The following XKR9 variants were observed in gnomAD, a reference collection of about 807,000 sequenced individuals.
XKR9 encodes the protein XK related 9.
XKR9 carries 32 observed loss-of-function variants against 32.0 expected under a neutral mutation model. The ratio of observed to expected loss-of-function variants is 1.00; its 90% CI spans 0.76 to 1.34. The LOEUF (loss-of-function observed/expected upper bound fraction) is 1.34, where lower values mean the gene tolerates loss of function less well. XKR9 is among the 40% of genes most tolerant of loss of function. The probability of loss-of-function intolerance (pLI) is 0.00; values close to 1 mark genes in which losing one functional copy is unlikely to be tolerated. For synonymous variants in XKR9, 168 were observed against 143.4 expected, an observed-to-expected ratio of 1.17 and a Z score of -1.22; for missense variants, 546 against 429.7, an observed-to-expected ratio of 1.27 and a Z score of -2.39.
At chr8:70,847,744 A>G in the XKR9 span, among the ~76,000 whole-genome samples, 1 of 152,070 alleles carries the variant, frequency 6.6e-6, no homozygotes, top group Non-Finnish European at 1.5e-5. Context: ...ATTCCTGTAT[A>G]CATTCAACCT....
At chr8:71,034,387 C>T in the XKR9 span, among the ~76,000 whole-genome samples, 102 of 152,256 alleles carry the variant, frequency 6.7e-4, no homozygotes, top group African/African-American at 2.0e-3. Flanking sequence ...AATTTCCTGA[C>T]GCCTCCCCAG....
the XKR9 span, among the ~76,000 whole-genome samples, chr8:70,904,084 A>G: frequency 6.6e-6 from 1 of 152,182 alleles, no homozygotes; most frequent in East Asian, 1.9e-4. Flanking sequence ...GCTGAGAAGA[A>G]TGTATACTCT....
At chr8:70,723,147 C>T (rs1806339503) in intron 4 of XKR9, among the ~76,000 whole-genome samples, 1 of 152,066 alleles carries the variant, frequency 6.6e-6, no homozygotes, top group South Asian at 2.1e-4. Flanking sequence ...TCAGCTCCAT[C>T]AGTTCATTTA....
At chr8:70,727,242 A>G (rs954341945) in intron 4 of XKR9, among the ~76,000 whole-genome samples, 9 of 152,238 alleles carry the variant, frequency 5.9e-5, no homozygotes, top group Admixed American at 2.6e-4. Context: ...AATTTGATAA[A>G]AATCAAAACA....
the XKR9 span, among the ~76,000 whole-genome samples, chr8:71,006,957 T>C: frequency 6.6e-6 from 1 of 152,162 alleles, no homozygotes; most frequent in Non-Finnish European, 1.5e-5. Flanking sequence ...TCCTAAAACT[T>C]GGTTGTAGAG....
intron 3 of XKR9, among the ~76,000 whole-genome samples, chr8:70,683,200 A>G (rs1172345006): frequency 6.6e-6 from 1 of 152,220 alleles, no homozygotes; most frequent in East Asian, 1.9e-4. Flanking sequence ...TATAGTGTGT[A>G]ACGTGCGGTC....
chr8:70,877,930 A>G, the XKR9 span, among the ~76,000 whole-genome samples: 1 of 152,346 alleles, frequency 6.6e-6, no homozygotes, highest in South Asian at 2.1e-4. Flanking sequence ...GTTACTCACA[A>G]AGGGAAGCCC....
At chr8:70,713,033 T>C (rs1017699206) in intron 4 of XKR9, among the ~76,000 whole-genome samples, 111 of 152,278 alleles carry the variant, frequency 7.3e-4, no homozygotes, top group African/African-American at 2.5e-3. Flanking sequence ...ACAAGTATCC[T>C]ATTATGTTTA....
the XKR9 span, among the ~76,000 whole-genome samples, chr8:71,003,063 T>A: frequency 3.9e-5 from 6 of 152,238 alleles, no homozygotes; most frequent in Admixed American, 3.9e-4. Flanking sequence ...AATGAGTACA[T>A]CACACTGAAC....
chr8:70,785,840 A>G (rs1020647544), intron 2 of XKR9, among the ~76,000 whole-genome samples: 1 of 149,638 alleles, frequency 6.7e-6, no homozygotes, highest in Non-Finnish European at 1.5e-5. Flanking sequence ...ATCTATATTT[A>G]TATATTTTCT....
the XKR9 span, among the ~76,000 whole-genome samples, chr8:70,995,170 G>A: frequency 1.6e-3 from 244 of 152,234 alleles, no homozygotes; most frequent in African/African-American, 4.3e-3. Flanking sequence ...ATGAAGAAAC[G>A]ATAAGTGGCT....
the XKR9 span, among the ~76,000 whole-genome samples, chr8:70,954,518 GGT>G: frequency 6.6e-6 from 1 of 152,108 alleles, no homozygotes; most frequent in African/African-American, 2.4e-5. Context: ...CACAGAATTT[GGT>G]ATCCTCCTTT....
chr8:70,698,078 C>A (rs1172718800), intron 3 of XKR9, among the ~76,000 whole-genome samples: 1 of 151,470 alleles, frequency 6.6e-6, no homozygotes, highest in Non-Finnish European at 1.5e-5. Flanking sequence ...TCTCTCTTTT[C>A]TTCTTTATTA....
At chr8:70,719,963 C>G (rs1192767531) in intron 4 of XKR9, among the ~76,000 whole-genome samples, 2 of 152,124 alleles carry the variant, frequency 1.3e-5, no homozygotes, top group Non-Finnish European at 2.9e-5. Flanking sequence ...TTTGTGTCCT[C>G]TTTTATTTCC....
At chr8:70,988,880 G>A in the XKR9 span, among the ~76,000 whole-genome samples, 1 of 152,054 alleles carries the variant, frequency 6.6e-6, no homozygotes, top group Non-Finnish European at 1.5e-5. Flanking sequence ...CTACAGTTTT[G>A]ACTTTAGATA....
At chr8:70,808,683 G>A in the XKR9 span, among the ~76,000 whole-genome samples, 7 of 152,216 alleles carry the variant, frequency 4.6e-5, no homozygotes, top group South Asian at 2.1e-4. Context: ...CTACACCCAC[G>A]GAGCCTTGCT....
the XKR9 span, among the ~76,000 whole-genome samples, chr8:70,901,157 C>A: frequency 1.6e-3 from 250 of 152,284 alleles, 3 homozygotes; most frequent in African/African-American, 5.7e-3. Context: ...GATTTATAAT[C>A]TTTTGGGTAT....
intron 3 of XKR9, among the ~76,000 whole-genome samples, chr8:70,689,724 T>A (rs1023255118): frequency 2.6e-5 from 4 of 152,048 alleles, no homozygotes; most frequent in African/African-American, 9.7e-5. Context: ...TATGCTGAAA[T>A]GAAAAGATAT....
the XKR9 span, among the ~76,000 whole-genome samples, chr8:70,994,908 G>A: frequency 6.6e-6 from 1 of 152,072 alleles, no homozygotes; most frequent in Non-Finnish European, 1.5e-5. Context: ...TGTGTTTCTA[G>A]GGCAGCAAAT....
Sources: gnomAD v4.1 joint callset for allele counts (sites outside exome capture counted in the v4.1 genomes callset) on GRCh38, gnomAD v4.1.1 for gene constraint, MANE v1.5 for transcripts, NCBI Gene and HGNC (gene_info 2026-07-23, HGNC 2026-07-21) for gene names.